Variants in ESRRB observed in about 807,000 individuals in gnomAD.
ESRRB encodes the protein estrogen related receptor beta.
A neutral mutation model predicts 46.0 loss-of-function variants in ESRRB; 16 were observed. The ratio of observed to expected loss-of-function variants is 0.35; its 90% confidence interval spans 0.24 to 0.53. The LOEUF (loss-of-function observed/expected upper bound fraction) is 0.53. ESRRB is among the 20% of genes least tolerant of loss of function. The pLI is 0.93. For synonymous variants in ESRRB, 246 were observed against 259.6 expected (o/e 0.95, Z 0.50); for missense variants, 488 against 607.4 (o/e 0.80, Z 2.07).
At chr14:76,465,183 C>G (rs1889054064) in intron 3 of ESRRB, among the ~76,000 whole-genome samples, 1 of 151,814 alleles carries the variant, frequency 6.6e-6, no homozygotes, top group Non-Finnish European at 1.5e-5. Flanking sequence ...TGAGATGACT[C>G]CTACCCTCAG....
chr14:76,420,541 T>C (rs1001254327), intron 1 of ESRRB, among the ~76,000 whole-genome samples: 1 of 146,552 alleles, frequency 6.8e-6, no homozygotes. Flanking sequence ...CTAATAGGTC[T>C]TCTCCTACAG....
intron 3 of ESRRB, among the ~76,000 whole-genome samples, chr14:76,468,411 C>A (rs991671721): frequency 5.5e-5 from 5 of 90,296 alleles, no homozygotes; most frequent in Non-Finnish European, 8.4e-5. Flanking sequence ...AACACCACCA[C>A]CCCCCAAACA....
At chr14:76,484,538 T>A (rs1389025731) in intron 5 of ESRRB, among the ~76,000 whole-genome samples, 4 of 152,036 alleles carry the variant, frequency 2.6e-5, no homozygotes, top group African/African-American at 9.7e-5. Context: ...GTTGAACAGA[T>A]CCTGCATCCT....
upstream of ESRRB, among the ~76,000 whole-genome samples, chr14:76,370,225 TAAAA>T (rs35273827): frequency 7.1e-6 from 1 of 140,144 alleles, no homozygotes; most frequent in Non-Finnish European, 1.5e-5. Flanking sequence ...CCATCCCTGC[TAAAA>T]AAAAAAAAAA....
At chr14:76,377,801 G>T (rs1464089959) in intron 1 of ESRRB, among the ~76,000 whole-genome samples, 1 of 152,178 alleles carries the variant, frequency 6.6e-6, no homozygotes, top group Non-Finnish European at 1.5e-5. Flanking sequence ...GAGAGAGAGG[G>T]CAGCTGTCCA....
chr14:76,491,354 C>G, intron 5 of ESRRB, 93 bp from the exon 6 acceptor site: 1 of 1,341,986 alleles, frequency 7.5e-7, no homozygotes, highest in Admixed American at 2.0e-5. Context: ...CAACCAGCCA[C>G]GCCCTGCAAC....
chr14:76,338,773 T>C (rs7146444), intron 1 of ESRRB, among the ~76,000 whole-genome samples: 101,307 of 151,968 alleles, frequency 0.67, 33,855 homozygotes, highest in Middle Eastern at 0.74. Flanking sequence ...TGGTGAAACC[T>C]GGTCTCTACT....
chr14:76,348,232 T>C (rs1243955531), intron 1 of ESRRB, among the ~76,000 whole-genome samples: 1 of 152,098 alleles, frequency 6.6e-6, no homozygotes, highest in African/African-American at 2.4e-5. Flanking sequence ...ATGTCAGATG[T>C]CCACAAAGGA....
intron 1 of ESRRB, among the ~76,000 whole-genome samples, chr14:76,439,038 A>G (rs1166621299): frequency 1.3e-5 from 2 of 151,604 alleles, no homozygotes; most frequent in Non-Finnish European, 1.5e-5. Flanking sequence ...GCTTCAAGCG[A>G]TGATCCTCCC....
At chr14:76,352,156 A>G (rs1053982004) in intron 1 of ESRRB, among the ~76,000 whole-genome samples, 1 of 152,160 alleles carries the variant, frequency 6.6e-6, no homozygotes, top group Non-Finnish European at 1.5e-5. Context: ...TGTGTGACTC[A>G]GGAAAACCAC....
intron 1 of ESRRB, among the ~76,000 whole-genome samples, chr14:76,385,894 C>T (rs929214981): frequency 3.3e-5 from 5 of 150,508 alleles, no homozygotes; most frequent in African/African-American, 1.2e-4. Flanking sequence ...ATTCTCTTTT[C>T]AGTTTCCACT....
intron 1 of ESRRB, among the ~76,000 whole-genome samples, chr14:76,386,862 A>G (rs1301308553): frequency 7.2e-5 from 11 of 152,210 alleles, no homozygotes. Context: ...GAGGTCTCCT[A>G]ACAGCACCCA....
chr14:76,430,437 A>C (rs1439691953), intron 1 of ESRRB, among the ~76,000 whole-genome samples: 4 of 152,130 alleles, frequency 2.6e-5, no homozygotes, highest in Non-Finnish European at 4.4e-5. Flanking sequence ...GTCTATGGCA[A>C]GTTCCTTGAA....
At chr14:76,497,712 A>C (rs894195988) in intron 6 of ESRRB, among the ~76,000 whole-genome samples, 3 of 152,118 alleles carry the variant, frequency 2.0e-5, no homozygotes, top group African/African-American at 4.8e-5. Context: ...CGGCAGCTGC[A>C]GTGGTTGTCA....
At chr14:76,443,371 C>T (rs116605494) in intron 2 of ESRRB, among the ~76,000 whole-genome samples, 2,030 of 152,264 alleles carry the variant, frequency 0.013, 43 homozygotes, top group African/African-American at 0.047. Context: ...CACCCTGAGT[C>T]TGAGTCTGGG....
At chr14:76,343,121 G>A (rs1471529702) in intron 1 of ESRRB, among the ~76,000 whole-genome samples, 2 of 152,170 alleles carry the variant, frequency 1.3e-5, no homozygotes, top group Non-Finnish European at 2.9e-5. Flanking sequence ...GAGCAGCCCA[G>A]GCAGAAGGAA....
intron 1 of ESRRB, among the ~76,000 whole-genome samples, chr14:76,358,323 A>AAAAAAAGAAAG (rs1884410928): frequency 1.9e-5 from 1 of 53,098 alleles, no homozygotes; most frequent in Non-Finnish European, 3.7e-5. Flanking sequence ...AAAAAAAAAA[A>AAAAAAAGAAAG]AAAGAAAGAA....
chr14:76,476,043 G>A (rs1889569886), intron 3 of ESRRB, among the ~76,000 whole-genome samples: 2 of 151,746 alleles, frequency 1.3e-5, no homozygotes, highest in African/African-American at 4.8e-5. Flanking sequence ...TGGTCAAGAT[G>A]CAGAAAATCT....
chr14:76,422,386 G>GT (rs1243031764), intron 1 of ESRRB, among the ~76,000 whole-genome samples: 3 of 151,430 alleles, frequency 2.0e-5, no homozygotes, highest in African/African-American at 7.3e-5. Flanking sequence ...AATTTTTTTT[G>GT]TATTTTAGTA....
Sources: allele counts gnomAD v4.1 joint callset (sites outside exome capture counted in the v4.1 genomes callset), GRCh38; gene constraint gnomAD v4.1.1; transcripts MANE v1.5; gene names NCBI Gene and HGNC (gene_info 2026-07-23, HGNC 2026-07-21).